Variants in TMEM163 observed in about 807,000 individuals in gnomAD.
TMEM163 encodes transmembrane protein 163.
In TMEM163, 17 loss-of-function variants were observed where a neutral mutation model predicts 29.3. That is an observed-to-expected ratio of 0.58 (90% CI 0.40 to 0.87). The LOEUF (loss-of-function observed/expected upper bound fraction) is 0.87. Among genes scored for constraint, TMEM163 ranks in the 40% least tolerant of loss-of-function variants. TMEM163 has a pLI of 0.00. For missense variants in TMEM163, 303 were observed against 381.5 expected (o/e 0.79, Z 1.71); for synonymous variants, 157 against 160.6 (o/e 0.98, Z 0.17).
chr2:134,700,357 C>T (rs979038827), intron 2 of TMEM163, among the ~76,000 whole-genome samples: 2 of 152,160 alleles, frequency 1.3e-5, no homozygotes, highest in African/African-American at 4.8e-5. Context: ...TGTATTGGAG[C>T]TTATCCTATC....
At chr2:134,670,022 C>T (rs1160795725) in intron 2 of TMEM163, among the ~76,000 whole-genome samples, 1 of 152,114 alleles carries the variant, frequency 6.6e-6, no homozygotes, top group Non-Finnish European at 1.5e-5. Context: ...GGCTCCCAAA[C>T]TCCTGCCCCA....
At chr2:134,643,026 T>C (rs1050653954) in intron 2 of TMEM163, among the ~76,000 whole-genome samples, 1 of 151,512 alleles carries the variant, frequency 6.6e-6, no homozygotes, top group African/African-American at 2.4e-5. Flanking sequence ...ACCAATGAAA[T>C]TGAAAACATT....
At chr2:134,713,136 A>C in intron 2 of TMEM163, 64 bp downstream of exon 2, 1 of 1,575,912 alleles carries the variant, frequency 6.3e-7, no homozygotes, top group Non-Finnish European at 8.6e-7. Flanking sequence ...CACATCCCAC[A>C]GGAATTAGAG....
At chr2:134,524,610 G>A (rs984631105) in intron 4 of TMEM163, among the ~76,000 whole-genome samples, 12 of 149,994 alleles carry the variant, frequency 8.0e-5, no homozygotes, top group African/African-American at 2.7e-4. Flanking sequence ...CCACTTATGA[G>A]AACATGTGGT....
intron 3 of TMEM163, among the ~76,000 whole-genome samples, chr2:134,550,981 C>T (rs1473317826): frequency 1.3e-5 from 2 of 152,140 alleles, no homozygotes; most frequent in Non-Finnish European, 2.9e-5. Context: ...AAGATAATTG[C>T]AGTAGTTTCC....
chr2:134,611,102 A>T (rs1682497071), intron 2 of TMEM163, among the ~76,000 whole-genome samples: 1 of 152,230 alleles, frequency 6.6e-6, no homozygotes, highest in African/African-American at 2.4e-5. Context: ...AATAAAATTT[A>T]AATAACAATT....
At chr2:134,500,868 G>C (rs1218247111) in intron 5 of TMEM163, among the ~76,000 whole-genome samples, 1 of 152,140 alleles carries the variant, frequency 6.6e-6, no homozygotes, top group Non-Finnish European at 1.5e-5. Flanking sequence ...CAAAATTACA[G>C]CTAGATAGGA....
At chr2:134,612,385 C>T (rs1187539225) in intron 2 of TMEM163, among the ~76,000 whole-genome samples, 3 of 152,150 alleles carry the variant, frequency 2.0e-5, no homozygotes, top group Non-Finnish European at 4.4e-5. Flanking sequence ...TCTGGGAAGA[C>T]AGAAGACTGC....
intron 5 of TMEM163, among the ~76,000 whole-genome samples, chr2:134,475,082 TATTTG>T (rs1468336610): frequency 1.3e-5 from 2 of 152,184 alleles, no homozygotes; most frequent in Admixed American, 6.5e-5. Context: ...GGCCTTTCCT[TATTTG>T]ATTTATGAAA....
rs541214840 is a variant in TMEM163, at chr2:134,619,033, G to C, written c.323-66942C>G. Among the ~76,000 whole-genome samples the C allele has an allele frequency of 1.2e-3, 181 of 152,234 alleles. 1 individual carries two copies. The highest frequency in any genetic ancestry group is 4.3e-3 in the African/African-American group (177 of 41,556). ...ATTTTTAAAAAATCAATAAACCTAA[G>C]AGTTGGTTATTTTAAAATTAACAAA... On this transcript the variant is annotated intron_variant, in intron 2 of 7. Transcript: ENST00000281924.
chr2:134,502,573 A>C (rs1157626488), intron 5 of TMEM163, among the ~76,000 whole-genome samples: 1 of 152,230 alleles, frequency 6.6e-6, no homozygotes, highest in East Asian at 1.9e-4. Context: ...CAACAGATGC[A>C]AACAACACAG....
chr2:134,482,920 G>C (rs951425026), intron 5 of TMEM163, among the ~76,000 whole-genome samples: 1 of 152,140 alleles, frequency 6.6e-6, no homozygotes, highest in African/African-American at 2.4e-5. Flanking sequence ...GGGGTGCCTT[G>C]GTCCCCGGCA....
intron 2 of TMEM163, among the ~76,000 whole-genome samples, chr2:134,712,462 T>TC (rs1233934787): frequency 6.7e-6 from 1 of 149,890 alleles, no homozygotes; most frequent in Non-Finnish European, 1.5e-5. Flanking sequence ...TTCCCCCGCA[T>TC]CAAAAAAAAA....
chr2:134,522,905 G>A (rs12614292), intron 4 of TMEM163, among the ~76,000 whole-genome samples: 22,926 of 152,140 alleles, frequency 0.15, 2,031 homozygotes, highest in East Asian at 0.23. Flanking sequence ...GAAAAATGCC[G>A]TGTGGCTTTG....
intron 4 of TMEM163, among the ~76,000 whole-genome samples, chr2:134,514,458 A>C (rs899245870): frequency 6.7e-6 from 1 of 148,858 alleles, no homozygotes; most frequent in African/African-American, 2.5e-5. Flanking sequence ...AAAGTTTACA[A>C]ATTTGTTTTG....
chr2:134,507,697 C>CA (rs1249643976), intron 4 of TMEM163, among the ~76,000 whole-genome samples: 1 of 151,176 alleles, frequency 6.6e-6, no homozygotes, highest in Non-Finnish European at 1.5e-5. Context: ...CCCACCTCCA[C>CA]AAAAAATAAA....
intron 2 of TMEM163, among the ~76,000 whole-genome samples, chr2:134,610,074 G>C (rs1558963472): frequency 6.6e-6 from 1 of 152,240 alleles, no homozygotes; most frequent in Non-Finnish European, 1.5e-5. Flanking sequence ...GAGGGAGAGA[G>C]TAAACAGGCC....
chr2:134,461,676 C>G (rs1227320113), intron 6 of TMEM163, among the ~76,000 whole-genome samples: 5 of 152,228 alleles, frequency 3.3e-5, no homozygotes, highest in Admixed American at 6.5e-5. Flanking sequence ...TCCCCATCAT[C>G]TCCATCGGCC....
intron 2 of TMEM163, among the ~76,000 whole-genome samples, chr2:134,698,833 G>A (rs986697775): frequency 3.3e-5 from 5 of 152,184 alleles, no homozygotes; most frequent in African/African-American, 1.2e-4. Flanking sequence ...AGAGAACATT[G>A]TAAAATGCAC....
Sources: gnomAD v4.1 joint callset for allele counts (sites outside exome capture counted in the v4.1 genomes callset) on GRCh38, gnomAD v4.1.1 for gene constraint, MANE v1.5 for transcripts, NCBI Gene and HGNC (gene_info 2026-07-23, HGNC 2026-07-21) for gene names.